Variants in KATNAL2 observed in about 807,000 individuals in gnomAD.
KATNAL2 encodes the protein katanin catalytic subunit A1 like 2, also known as katanin p60 ATPase-containing subunit A-like 2.
A neutral mutation model predicts 76.3 loss-of-function variants in KATNAL2; 52 were observed. The observed-to-expected ratio is 0.68, with a 90% CI of 0.55 to 0.86. The LOEUF is 0.86. Ranked by LOEUF, KATNAL2 falls within the 40% of genes least tolerant of loss-of-function variation. The pLI is 0.00. For synonymous variants in KATNAL2, 243 were observed against 244.2 expected, an observed-to-expected ratio of 1.00 and a Z score of 0.05; for missense variants, 660 against 668.9, an observed-to-expected ratio of 0.99 and a Z score of 0.15.
intron 4 of KATNAL2, among the ~76,000 whole-genome samples, chr18:47,052,599 T>C (rs2061367538): frequency 6.6e-6 from 1 of 152,198 alleles, no homozygotes; most frequent in African/African-American, 2.4e-5. Flanking sequence ...ATTTACTTAT[T>C]TGACTTTTAA....
At chr18:46,968,098 T>C (rs2060184116) in intron 3 of KATNAL2, among the ~76,000 whole-genome samples, 1 of 117,434 alleles carries the variant, frequency 8.5e-6, no homozygotes, top group African/African-American at 3.2e-5. Flanking sequence ...GGGCTCATTT[T>C]GGTATCTTTT....
chr18:47,077,552 G>A (rs1240112345), intron 15 of KATNAL2, 91 bp downstream of exon 15: 4 of 855,736 alleles, frequency 4.7e-6, no homozygotes, highest in Non-Finnish European at 7.7e-6. Flanking sequence ...AGGCAAAGCT[G>A]TGTTGTTTGG....
intron 15 of KATNAL2, among the ~76,000 whole-genome samples, chr18:47,095,874 G>C (rs1328175543): frequency 6.6e-6 from 1 of 152,176 alleles, no homozygotes; most frequent in Non-Finnish European, 1.5e-5. Flanking sequence ...TGGAGTGCTA[G>C]GCAAAGTTCT....
chr18:47,044,907 G>A (rs1454050597), intron 3 of KATNAL2, among the ~76,000 whole-genome samples: 1 of 152,086 alleles, frequency 6.6e-6, no homozygotes, highest in Non-Finnish European at 1.5e-5. Flanking sequence ...AACATTGTGA[G>A]ACTCTCATCT....
chr18:46,941,692 C>A (rs1292773883), intron 1 of KATNAL2, among the ~76,000 whole-genome samples: 1 of 152,132 alleles, frequency 6.6e-6, no homozygotes, highest in Non-Finnish European at 1.5e-5. Context: ...GTGCTGCTTT[C>A]TTCCATTTTG....
At chr18:46,946,816 G>A (rs1177104233) in intron 2 of KATNAL2, 38 bp from the exon 3 acceptor site, 1 of 1,514,468 alleles carries the variant, frequency 6.6e-7, no homozygotes, top group Non-Finnish European at 8.9e-7. Context: ...GGATCGACCG[G>A]TCAGCCCAGT....
chr18:47,078,786 A>G (rs2062366236), intron 15 of KATNAL2, among the ~76,000 whole-genome samples: 1 of 152,206 alleles, frequency 6.6e-6, no homozygotes. Context: ...CCTAAGCCCA[A>G]ATAAAATGGT....
At chr18:47,037,575 G>C (rs1470316778) in intron 3 of KATNAL2, among the ~76,000 whole-genome samples, 2 of 152,070 alleles carry the variant, frequency 1.3e-5, no homozygotes, top group African/African-American at 2.4e-5. Flanking sequence ...AGGTTAATTT[G>C]AATGGCCTGG....
intron 3 of KATNAL2, chr18:47,035,396 C>T: frequency 2.0e-6 from 3 of 1,504,696 alleles, no homozygotes; most frequent in Non-Finnish European, 1.8e-6. Flanking sequence ...TGTGGAGTCA[C>T]AGCCTGGAGC....
chr18:47,088,798 G>A (rs1269375088), intron 15 of KATNAL2, among the ~76,000 whole-genome samples: 2 of 152,106 alleles, frequency 1.3e-5, no homozygotes, highest in African/African-American at 4.8e-5. Context: ...TTCTTGCATG[G>A]GTCCCTCCAG....
intron 1 of KATNAL2, among the ~76,000 whole-genome samples, chr18:46,922,891 CAT>C (rs1380240717): frequency 2.7e-5 from 4 of 146,058 alleles, no homozygotes; most frequent in African/African-American, 7.6e-5. Flanking sequence ...TATATAATAT[CAT>C]ATTAATATAA....
At chr18:47,087,693 A>C (rs1403415595) in intron 15 of KATNAL2, among the ~76,000 whole-genome samples, 1 of 152,046 alleles carries the variant, frequency 6.6e-6, no homozygotes, top group Non-Finnish European at 1.5e-5. Context: ...AAAAAAGTGA[A>C]TAGTCCCCTG....
At chr18:46,958,515 C>G (rs921972452) in intron 3 of KATNAL2, among the ~76,000 whole-genome samples, 29 of 152,146 alleles carry the variant, frequency 1.9e-4, no homozygotes, top group Admixed American at 7.9e-4. Context: ...TTTGTTCTGC[C>G]TGTCTGGAGA....
At chr18:46,961,774 A>G (rs2059969003) in intron 3 of KATNAL2, among the ~76,000 whole-genome samples, 2 of 152,194 alleles carry the variant, frequency 1.3e-5, no homozygotes, top group African/African-American at 4.8e-5. Flanking sequence ...GTCCAAGGCC[A>G]GTCTATTTTG....
intron 13 of KATNAL2, among the ~76,000 whole-genome samples, chr18:47,071,524 T>C (rs889200234): frequency 2.0e-5 from 3 of 152,010 alleles, no homozygotes; most frequent in Non-Finnish European, 2.9e-5. Flanking sequence ...TAAATATCAT[T>C]TCTATATGCT....
At chr18:47,037,030 T>G (rs1418135333) in intron 3 of KATNAL2, among the ~76,000 whole-genome samples, 1 of 152,236 alleles carries the variant, frequency 6.6e-6, no homozygotes, top group East Asian at 1.9e-4. Flanking sequence ...AACAGAAGTA[T>G]AGTAAAGACA....
chr18:46,920,035 A>T, intron 1 of KATNAL2: 2 of 1,286,954 alleles, frequency 1.6e-6, no homozygotes, highest in Non-Finnish European at 2.0e-6. Flanking sequence ...AAGAAAAGAA[A>T]AGCAAAGCCC....
Position 47,075,305 on chromosome 18 carries a change from C to T in KATNAL2, c.1037C>T (p.Ala346Val). The change falls in exon 14 of 18, where the codon GCC becomes GTC. Residue 346 changes from alanine (A) to valine (V), a missense_variant. Transcript: ENST00000683218. ...TTATTTGAGCTTGCCCGCTACCACG[C>T]CCCATCCACGATCTTCCTGGACGAG... The part of the protein sequence containing the change: ...RVLFELARYH[A>V]PSTIFLDELE... 2 of 1,562,442 alleles carry T rather than the reference C, an allele frequency of 1.3e-6. No individual in the cohort carries two copies. Among genetic ancestry groups the T allele is most frequent in the Non-Finnish European group, 1.7e-6 (2 of 1,159,348 alleles).
chr18:47,042,232 TGAC>T, intron 3 of KATNAL2, among the ~76,000 whole-genome samples: 1 of 152,226 alleles, frequency 6.6e-6, no homozygotes, highest in East Asian at 1.9e-4. Flanking sequence ...CTGAGAGCCC[TGAC>T]TTTTATTTAT....
Sources: allele counts gnomAD v4.1 joint callset (sites outside exome capture counted in the v4.1 genomes callset), GRCh38; gene constraint gnomAD v4.1.1; transcripts MANE v1.5; gene names NCBI Gene and HGNC (gene_info 2026-07-23, HGNC 2026-07-21).